The following SPATA6 variants were observed in gnomAD, a reference collection of about 807,000 sequenced individuals.
SPATA6 encodes the protein spermatogenesis-associated protein 6.
Under a neutral mutation model 65.3 loss-of-function variants are expected in SPATA6, and 56 were observed. That is an observed-to-expected ratio of 0.86 (90% CI 0.69 to 1.07). The LOEUF (loss-of-function observed/expected upper bound fraction) is 1.07. Among genes scored for constraint, SPATA6 ranks in the 50% least tolerant of loss-of-function variants. The pLI is 0.00. For synonymous variants in SPATA6, 199 were observed against 213.2 expected (o/e 0.93, Z 0.58); for missense variants, 590 against 594.8 (o/e 0.99, Z 0.08).
intron 3 of SPATA6, among the ~76,000 whole-genome samples, chr1:48,445,300 C>G (rs992516949): frequency 6.6e-6 from 1 of 152,168 alleles, no homozygotes; most frequent in African/African-American, 2.4e-5. Context: ...GTAGGAACAT[C>G]TATGAGGTGC....
In SPATA6 at chr1:48,452,477, A is replaced by G. The variant is rs553003601; in HGVS notation, c.189+517T>C. Among the ~76,000 whole-genome samples, 7 of 151,422 alleles carry G rather than the reference A, an allele frequency of 4.6e-5. No homozygotes were observed. The South Asian group carries it at 1.5e-3, about 32-fold the overall frequency. ...CCTCTCACTACAACCTCCACCTCCC[A>G]GGTTCAAGCAATTCTCCTGCCTCAG... On this transcript the variant is annotated intron_variant, in intron 2 of 12. Transcript: ENST00000371847.
intron 11 of SPATA6, among the ~76,000 whole-genome samples, chr1:48,317,530 G>C (rs1312041920): frequency 6.6e-6 from 1 of 152,066 alleles, no homozygotes; most frequent in African/African-American, 2.4e-5. Flanking sequence ...CCTGTTGTGG[G>C]GTGGGGGGAG....
At chr1:48,279,969 T>C in the SPATA6 span, among the ~76,000 whole-genome samples, 1 of 151,818 alleles carries the variant, frequency 6.6e-6, no homozygotes, top group African/African-American at 2.4e-5. Flanking sequence ...GAACAGAAAT[T>C]ATAACAAACT....
At chr1:48,286,185 AT>A in the SPATA6 span, among the ~76,000 whole-genome samples, 11 of 150,790 alleles carry the variant, frequency 7.3e-5, no homozygotes, top group African/African-American at 2.2e-4. Flanking sequence ...AATTTTAGGA[AT>A]TTTTTTTCTT....
intron 11 of SPATA6, among the ~76,000 whole-genome samples, chr1:48,327,341 A>C (rs1417246728): frequency 6.6e-6 from 1 of 152,238 alleles, no homozygotes; most frequent in Non-Finnish European, 1.5e-5. Flanking sequence ...AAAAGTCAAA[A>C]AACAGCAGAT....
intron 9 of SPATA6, among the ~76,000 whole-genome samples, chr1:48,363,689 A>C (rs1465917251): frequency 6.6e-6 from 1 of 152,044 alleles, no homozygotes; most frequent in South Asian, 2.1e-4. Context: ...TGCTAAAATG[A>C]ATCAAGATGA....
At chr1:48,323,179 T>C (rs901965954) in intron 11 of SPATA6, among the ~76,000 whole-genome samples, 2 of 152,132 alleles carry the variant, frequency 1.3e-5, no homozygotes, top group Non-Finnish European at 2.9e-5. Flanking sequence ...CAAATGCCCA[T>C]CAATGATAGA....
intron 9 of SPATA6, among the ~76,000 whole-genome samples, chr1:48,365,090 T>C (rs1646954653): frequency 6.6e-6 from 1 of 152,214 alleles, no homozygotes; most frequent in Non-Finnish European, 1.5e-5. Flanking sequence ...CTCAGGTTTG[T>C]CAAAGATCAG....
At chr1:48,410,817 C>A (rs937341335) in intron 5 of SPATA6, among the ~76,000 whole-genome samples, 8 of 152,198 alleles carry the variant, frequency 5.3e-5, no homozygotes, top group Non-Finnish European at 1.5e-5. Context: ...ATCCAATCAC[C>A]TCCCACCAGG....
intron 3 of SPATA6, among the ~76,000 whole-genome samples, chr1:48,415,432 T>C (rs1369701449): frequency 5.3e-5 from 8 of 152,180 alleles, no homozygotes; most frequent in Admixed American, 5.2e-4. Context: ...TTGGTTTTTG[T>C]TTTTGTTTTT....
At chr1:48,391,267 C>G (rs1426690053) in intron 8 of SPATA6, among the ~76,000 whole-genome samples, 6 of 149,958 alleles carry the variant, frequency 4.0e-5, no homozygotes, top group Admixed American at 1.3e-4. Context: ...GTCCCAGCTA[C>G]TAAGGAAGCT....
intron 3 of SPATA6, among the ~76,000 whole-genome samples, chr1:48,420,613 A>G (rs900790093): frequency 6.6e-6 from 1 of 152,220 alleles, no homozygotes; most frequent in Non-Finnish European, 1.5e-5. Flanking sequence ...CTTTGGTCAC[A>G]GAAGTCTTCT....
the SPATA6 span, chr1:48,262,126 G>T: frequency 6.6e-6 from 1 of 152,218 alleles, no homozygotes; most frequent in Non-Finnish European, 1.5e-5. Context: ...TGAGCAACAA[G>T]AAACATCTTG....
At chr1:48,315,180 T>C (rs1431440179) in intron 11 of SPATA6, among the ~76,000 whole-genome samples, 1 of 152,216 alleles carries the variant, frequency 6.6e-6, no homozygotes, top group Non-Finnish European at 1.5e-5. Flanking sequence ...GAATCCTCCC[T>C]AACTCATTTT....
intron 11 of SPATA6, among the ~76,000 whole-genome samples, chr1:48,314,307 C>A (rs1645330935): frequency 6.6e-6 from 1 of 152,118 alleles, no homozygotes; most frequent in African/African-American, 2.4e-5. Context: ...CACTCCTCAG[C>A]AAATGTAAAA....
intron 9 of SPATA6, among the ~76,000 whole-genome samples, chr1:48,373,274 T>C (rs1481730519): frequency 3.9e-5 from 6 of 152,228 alleles, no homozygotes; most frequent in African/African-American, 1.4e-4. Context: ...TAAATCATCT[T>C]TCTCAAGTTC....
intron 11 of SPATA6, among the ~76,000 whole-genome samples, chr1:48,341,048 A>G (rs550772372): frequency 6.6e-6 from 1 of 152,340 alleles, no homozygotes; most frequent in African/African-American, 2.4e-5. Context: ...CCTGTGGAAC[A>G]CTAGTATTGG....
chr1:48,441,514 T>C (rs1227239195), intron 3 of SPATA6, among the ~76,000 whole-genome samples: 1 of 151,592 alleles, frequency 6.6e-6, no homozygotes, highest in African/African-American at 2.4e-5. Context: ...TCTACATGAA[T>C]ATGGGAAACA....
intron 5 of SPATA6, among the ~76,000 whole-genome samples, chr1:48,407,944 A>G (rs1430076295): frequency 6.6e-6 from 1 of 152,238 alleles, no homozygotes; most frequent in Non-Finnish European, 1.5e-5. Context: ...TACATTAAAG[A>G]GACCATAATT....
Sources: allele counts gnomAD v4.1 joint callset (sites outside exome capture counted in the v4.1 genomes callset), GRCh38; gene constraint gnomAD v4.1.1; transcripts MANE v1.5; gene names NCBI Gene and HGNC (gene_info 2026-07-23, HGNC 2026-07-21).